ARB2A: variants seen among roughly 807,000 people sequenced by gnomAD.
The protein encoded by ARB2A is ARB2 cotranscriptional regulator A.
At chr5:93,714,962 C>G in the ARB2A span, among the ~76,000 whole-genome samples, 1 of 152,090 alleles carries the variant, frequency 6.6e-6, no homozygotes, top group East Asian at 1.9e-4. Flanking sequence ...CATCAGATCC[C>G]TGCATCAAGA....
At chr5:93,856,183 T>A in the ARB2A span, among the ~76,000 whole-genome samples, 4 of 152,300 alleles carry the variant, frequency 2.6e-5, no homozygotes, top group East Asian at 7.7e-4. Context: ...CTTCCCTTTG[T>A]GGGTAACCCG....
At chr5:93,933,772 G>A in the ARB2A span, among the ~76,000 whole-genome samples, 6 of 151,960 alleles carry the variant, frequency 3.9e-5, no homozygotes, top group South Asian at 2.1e-4. Context: ...TGCATGTTCC[G>A]CACATGTATC....
chr5:93,979,694 A>C, the ARB2A span, among the ~76,000 whole-genome samples: 2 of 152,028 alleles, frequency 1.3e-5, no homozygotes, highest in Admixed American at 6.6e-5. Flanking sequence ...TCAAGCTGGC[A>C]GGTTTTATTC....
the ARB2A span, among the ~76,000 whole-genome samples, chr5:93,873,935 CTTTA>C: frequency 6.6e-6 from 1 of 152,158 alleles, no homozygotes; most frequent in African/African-American, 2.4e-5. Flanking sequence ...ATGAATTCTA[CTTTA>C]CTTTCTACCA....
At chr5:93,806,709 T>C in the ARB2A span, among the ~76,000 whole-genome samples, 172 of 152,016 alleles carry the variant, frequency 1.1e-3, 1 homozygote, top group Non-Finnish European at 2.1e-3. Context: ...ATCTCTAACA[T>C]TTTAGTATCA....
At chr5:93,737,748 C>A in the ARB2A span, 17 of 319,764 alleles carry the variant, frequency 5.3e-5, no homozygotes, top group Non-Finnish European at 9.7e-5. Context: ...AAGAACATCT[C>A]CTCAACAAAT....
At chr5:93,915,572 A>G in the ARB2A span, among the ~76,000 whole-genome samples, 2 of 152,012 alleles carry the variant, frequency 1.3e-5, no homozygotes, top group Admixed American at 1.3e-4. Flanking sequence ...ACTTAAAAGA[A>G]GTTGTCATGG....
At chr5:94,037,932 C>T in the ARB2A span, among the ~76,000 whole-genome samples, 11 of 151,992 alleles carry the variant, frequency 7.2e-5, no homozygotes, top group Non-Finnish European at 1.5e-4. Flanking sequence ...AATTTAGGTC[C>T]AGAGAATAAA....
the ARB2A span, among the ~76,000 whole-genome samples, chr5:93,995,320 T>C: frequency 6.6e-6 from 1 of 152,208 alleles, no homozygotes. Context: ...TCTCTCAAGG[T>C]TCTTGCATAT....
the ARB2A span, among the ~76,000 whole-genome samples, chr5:93,998,807 A>G: frequency 6.6e-6 from 1 of 152,180 alleles, no homozygotes; most frequent in African/African-American, 2.4e-5. Flanking sequence ...AATTCACAAT[A>G]GATTATTTGC....
At chr5:93,957,604 A>T in the ARB2A span, among the ~76,000 whole-genome samples, 1 of 152,114 alleles carries the variant, frequency 6.6e-6, no homozygotes. Context: ...CAAAAGTAGT[A>T]TCTTTCCATT....
chr5:93,725,529 C>T, the ARB2A span, among the ~76,000 whole-genome samples: 1 of 152,098 alleles, frequency 6.6e-6, no homozygotes, highest in South Asian at 2.1e-4. Context: ...TTTTTCACTG[C>T]AATTTCAAAA....
At chr5:93,673,725 C>T in the ARB2A span, among the ~76,000 whole-genome samples, 3 of 152,120 alleles carry the variant, frequency 2.0e-5, no homozygotes, top group African/African-American at 7.2e-5. Flanking sequence ...TAGACTCTGT[C>T]TAGTAAAAGA....
the ARB2A span, among the ~76,000 whole-genome samples, chr5:93,902,698 G>T: frequency 6.6e-6 from 1 of 152,118 alleles, no homozygotes; most frequent in African/African-American, 2.4e-5. Flanking sequence ...TTCGTGAAAA[G>T]ATAATTTTTC....
At chr5:94,083,662 C>T in the ARB2A span, among the ~76,000 whole-genome samples, 3 of 151,804 alleles carry the variant, frequency 2.0e-5, no homozygotes, top group Non-Finnish European at 4.4e-5. Flanking sequence ...TTACTATTAC[C>T]ACTTCTATTC....
chr5:93,879,162 G>C, the ARB2A span, among the ~76,000 whole-genome samples: 1 of 151,994 alleles, frequency 6.6e-6, no homozygotes, highest in South Asian at 2.1e-4. Context: ...ACTAGCAGAA[G>C]TCATTTCCAG....
chr5:93,880,058 G>T, the ARB2A span, among the ~76,000 whole-genome samples: 3 of 151,908 alleles, frequency 2.0e-5, no homozygotes, highest in East Asian at 3.9e-4. Context: ...AAGAAAGGGG[G>T]TGATATAACC....
At chr5:93,971,489 C>G in the ARB2A span, among the ~76,000 whole-genome samples, 5 of 151,574 alleles carry the variant, frequency 3.3e-5, no homozygotes, top group African/African-American at 1.2e-4. Context: ...ATCACTTGAA[C>G]CTGGGAGGCA....
chr5:94,050,896 A>T, the ARB2A span: 2 of 1,092,106 alleles, frequency 1.8e-6, no homozygotes, highest in Non-Finnish European at 1.3e-6. Flanking sequence ...TAAACAGTAC[A>T]ACAAAGAATG....
Sources: gnomAD v4.1 joint callset for allele counts (sites outside exome capture counted in the v4.1 genomes callset) on GRCh38, gnomAD v4.1.1 for gene constraint, MANE v1.5 for transcripts, NCBI Gene and HGNC (gene_info 2026-07-23, HGNC 2026-07-21) for gene names.